SOX5: variants seen among roughly 807,000 people sequenced by gnomAD.
The protein encoded by SOX5 is transcription factor SOX-5.
In SOX5, 9 loss-of-function variants were observed where a neutral mutation model predicts 92.0. That is an observed-to-expected ratio of 0.10 (90% confidence interval 0.06 to 0.17). SOX5 has a LOEUF of 0.17. Among genes scored for constraint, SOX5 ranks in the 10% least tolerant of loss-of-function variants. The probability of loss-of-function intolerance (pLI) is 1.00; values close to 1 mark genes in which losing one functional copy is unlikely to be tolerated. For synonymous variants in SOX5, 344 were observed against 336.3 expected (o/e 1.02, Z -0.25); for missense variants, 642 against 944.5 (o/e 0.68, Z 4.20).
intron 6 of SOX5, among the ~76,000 whole-genome samples, chr12:23,713,803 T>TTA (rs2092274050): frequency 6.7e-6 from 1 of 149,928 alleles, no homozygotes; most frequent in Admixed American, 6.7e-5. Flanking sequence ...TATATGTAGA[T>TTA]TATTATTGGC....
intron 2 of SOX5, among the ~76,000 whole-genome samples, chr12:24,295,181 TA>T (rs1947064988): frequency 1.3e-5 from 2 of 152,056 alleles, no homozygotes; most frequent in Admixed American, 1.3e-4. Context: ...TGAGTAAACA[TA>T]AGTATATATG....
chr12:23,926,409 C>T (rs912065329), intron 1 of SOX5, among the ~76,000 whole-genome samples: 2 of 151,906 alleles, frequency 1.3e-5, no homozygotes, highest in East Asian at 1.9e-4. Flanking sequence ...ATGGGGAAAG[C>T]GAGTATTATA....
chr12:24,333,518 A>C (rs1951560749), intron 2 of SOX5, among the ~76,000 whole-genome samples: 1 of 152,038 alleles, frequency 6.6e-6, no homozygotes, highest in Non-Finnish European at 1.5e-5. Context: ...ATTTTTAAAA[A>C]TTCACATCAG....
intron 6 of SOX5, among the ~76,000 whole-genome samples, chr12:23,674,400 C>T (rs1055960669): frequency 2.3e-5 from 3 of 128,654 alleles, no homozygotes; most frequent in East Asian, 2.4e-4. Flanking sequence ...TGCATCAGCA[C>T]GATCTCGGCT....
At chr12:23,629,717 C>T (rs1028148695) in intron 8 of SOX5, among the ~76,000 whole-genome samples, 2 of 151,946 alleles carry the variant, frequency 1.3e-5, no homozygotes, top group Non-Finnish European at 2.9e-5. Flanking sequence ...AGGTTGTTTG[C>T]CTTTCTTCAA....
chr12:23,778,218 T>C (rs1286549401), intron 3 of SOX5, among the ~76,000 whole-genome samples: 1 of 152,242 alleles, frequency 6.6e-6, no homozygotes, highest in Non-Finnish European at 1.5e-5. Context: ...ATGACTTTAA[T>C]ATGCACATCT....
chr12:23,599,261 T>C (rs1193467517), intron 9 of SOX5, among the ~76,000 whole-genome samples: 1 of 152,222 alleles, frequency 6.6e-6, no homozygotes, highest in Non-Finnish European at 1.5e-5. Flanking sequence ...ATTATAAGGA[T>C]AGTGCAGCTC....
intron 3 of SOX5, among the ~76,000 whole-genome samples, chr12:24,265,520 G>C (rs1942883107): frequency 6.6e-6 from 1 of 151,966 alleles, no homozygotes; most frequent in Admixed American, 6.6e-5. Flanking sequence ...CTCCAGCCTG[G>C]GCAACAGAGT....
At chr12:24,444,967 T>A (rs747119574) in intron 1 of SOX5, among the ~76,000 whole-genome samples, 1 of 152,322 alleles carries the variant, frequency 6.6e-6, no homozygotes, top group Middle Eastern at 3.4e-3. Context: ...CCAAGGAAGC[T>A]GACCAAAGAC....
chr12:23,921,897 T>C (rs1330235971), intron 1 of SOX5, among the ~76,000 whole-genome samples: 1 of 152,210 alleles, frequency 6.6e-6, no homozygotes, highest in Non-Finnish European at 1.5e-5. Context: ...TTTTCTTCCC[T>C]GCCACTCCAT....
chr12:23,919,377 C>A (rs1383572688), intron 1 of SOX5, among the ~76,000 whole-genome samples: 3 of 152,110 alleles, frequency 2.0e-5, no homozygotes, highest in Non-Finnish European at 4.4e-5. Context: ...AAGTTTGTGA[C>A]CTTTGGTTTA....
At chr12:23,971,641 A>T (rs1239553141) in intron 4 of SOX5, among the ~76,000 whole-genome samples, 1 of 151,776 alleles carries the variant, frequency 6.6e-6, no homozygotes, top group Non-Finnish European at 1.5e-5. Flanking sequence ...TGAAATATGT[A>T]TATATCATAG....
chr12:23,621,385 A>G (rs1290426088), intron 8 of SOX5, among the ~76,000 whole-genome samples: 1 of 152,104 alleles, frequency 6.6e-6, no homozygotes, highest in Non-Finnish European at 1.5e-5. Context: ...GGTGATGGTT[A>G]TATAACATTG....
At chr12:23,617,078 T>C (rs10842191) in intron 8 of SOX5, among the ~76,000 whole-genome samples, 89,107 of 149,828 alleles carry the variant, frequency 0.59, 27,139 homozygotes, top group South Asian at 0.82. Flanking sequence ...TGAGCTGTGA[T>C]TGTGGCACTG....
chr12:24,546,158 T>C (rs903791843), intron 1 of SOX5, among the ~76,000 whole-genome samples: 4 of 152,196 alleles, frequency 2.6e-5, no homozygotes, highest in African/African-American at 9.6e-5. Context: ...GTACATAAAC[T>C]ATGAATGTCT....
intron 4 of SOX5, among the ~76,000 whole-genome samples, chr12:23,753,453 G>A (rs1030904228): frequency 6.6e-6 from 1 of 151,584 alleles, no homozygotes; most frequent in Non-Finnish European, 1.5e-5. Flanking sequence ...TGCACACCAA[G>A]ACTCTGTGAA....
At chr12:24,273,050 T>C (rs929973647) in intron 3 of SOX5, among the ~76,000 whole-genome samples, 5 of 152,106 alleles carry the variant, frequency 3.3e-5, no homozygotes, top group South Asian at 2.1e-4. Context: ...CTGGCCAACA[T>C]AGTAAAACCC....
intron 1 of SOX5, among the ~76,000 whole-genome samples, chr12:24,524,730 G>A (rs1298481768): frequency 6.6e-6 from 1 of 152,064 alleles, no homozygotes; most frequent in Non-Finnish European, 1.5e-5. Flanking sequence ...AATGCAAAAT[G>A]GTACACTCTC....
At chr12:23,846,857 T>C (rs966767463) in intron 2 of SOX5, among the ~76,000 whole-genome samples, 1 of 152,172 alleles carries the variant, frequency 6.6e-6, no homozygotes. Flanking sequence ...GCACAGTTTG[T>C]CAACACTCTT....
Sources: gnomAD v4.1 joint callset for allele counts (sites outside exome capture counted in the v4.1 genomes callset) on GRCh38, gnomAD v4.1.1 for gene constraint, MANE v1.5 for transcripts, NCBI Gene and HGNC (gene_info 2026-07-23, HGNC 2026-07-21) for gene names.